The following PCK2 variants were observed in gnomAD, a reference collection of about 807,000 sequenced individuals.
PCK2 encodes the protein phosphoenolpyruvate carboxykinase [GTP], mitochondrial.
PCK2 carries 56 observed loss-of-function variants against 65.9 expected under a neutral mutation model. That is an observed-to-expected ratio of 0.85 (90% CI 0.69 to 1.06). PCK2 has a LOEUF of 1.06. Ranked by LOEUF, PCK2 falls within the 50% of genes least tolerant of loss-of-function variation. The probability of loss-of-function intolerance (pLI) is 0.00; values close to 1 mark genes in which losing one functional copy is unlikely to be tolerated. For synonymous variants in PCK2, 305 were observed against 319.6 expected, an observed-to-expected ratio of 0.95 and a Z score of 0.49; for missense variants, 843 against 863.1, an observed-to-expected ratio of 0.98 and a Z score of 0.29.
chr14:24,099,435 C>A, intron 5 of PCK2, 123 bp from the exon 6 acceptor site: 1 of 1,057,634 alleles, frequency 9.5e-7, no homozygotes, highest in Non-Finnish European at 1.4e-6. Flanking sequence ...GATGGCAGGG[C>A]AATCACTTAT....
chr14:24,097,969 T>A (rs2036967085), intron 2 of PCK2, among the ~76,000 whole-genome samples: 1 of 152,104 alleles, frequency 6.6e-6, no homozygotes, highest in African/African-American at 2.4e-5. Flanking sequence ...TTTTTTTTTT[T>A]TTCCTCACCA....
In PCK2 at chr14:24,103,731, G is replaced by A; in HGVS notation, c.1690G>A (p.Gly564Arg). 3.7e-6 allele frequency: 6 copies of A among 1,614,192 alleles called. No individual in the cohort carries two copies. The highest frequency in any genetic ancestry group is 5.1e-6 in the Non-Finnish European group (6 of 1,180,030). The change falls in exon 10 of 10, where the codon GGG (glycine) becomes AGG (arginine). Residue 564 changes from glycine to arginine, a missense_variant. Coordinates refer to ENST00000216780, the MANE Select transcript of PCK2 (RefSeq NM_004563.4). The part of the protein sequence containing the change: ...VLDWICRRLE[G>R]EDSARETPIG... ...AGACTGGATCTGCCGGCGGTTAGAG[G>A]GGGAGGACAGTGCCCGAGAGACACC...
intron 5 of PCK2, 144 bp downstream of exon 5, chr14:24,099,380 C>G (rs1035303204): frequency 1.6e-5 from 16 of 1,007,454 alleles, no homozygotes; most frequent in Middle Eastern, 2.5e-4. Flanking sequence ...GCTTTGGCCT[C>G]AGGCTGCTGA....
In PCK2 at chr14:24,099,546, C is replaced by A; in HGVS notation, c.853-12C>A. On this transcript the variant is annotated splice_polypyrimidine_tract_variant and intron_variant, in intron 5 of 9. Transcript: ENST00000216780. ...TGACCTCTTTCTTATTCCCTCTCTC[C>A]CCAATGCACAGATCCTGGGCATCAC... The A allele has an allele frequency of 6.4e-7, 1 of 1,566,984 alleles. No homozygotes were observed. The highest frequency in any genetic ancestry group is 8.6e-7 in the Non-Finnish European group (1 of 1,157,376).
chr14:24,102,785 C>G lies in PCK2; in HGVS notation c.1267C>G (p.Arg423Gly). 6 of 1,613,908 alleles carry G rather than the reference C, an allele frequency of 3.7e-6. No homozygotes were observed. Among genetic ancestry groups the G allele is most frequent in the Non-Finnish European group, 5.1e-6 (6 of 1,179,794 alleles). ...DKEPCAHPNS[R>G]FCAPARQCPI... The stretch of plus-strand genomic sequence containing the variant: ...GGAGCCCTGTGCACATCCCAACTCT[C>G]GATTTTGTGCCCCGGCTCGCCAGTG... Residue 423 changes from arginine (R) to glycine (G), a missense_variant, in exon 8 of 10, where the codon CGA (arginine) becomes GGA (glycine). Transcript: ENST00000216780.
chr14:24,095,462 C>T, intron 1 of PCK2: 2 of 339,664 alleles, frequency 5.9e-6, no homozygotes, highest in South Asian at 2.2e-5. Flanking sequence ...GCTTCTACCC[C>T]AGACAGACTC....
rs778296517 is a variant in PCK2, at chr14:24,103,594, T to C, written c.1553T>C (p.Met518Thr). ...FGHYLEHWLSMEGRKGAQLPR... is the reference protein window; with the variant it reads ...FGHYLEHWLSTEGRKGAQLPR... Reference sequence around the variant, plus strand: ...CACTACCTGGAACACTGGCTGAGCATGGAAGGGCGCAAGGGGGCCCAGCTG... The same window carrying C: ...CACTACCTGGAACACTGGCTGAGCACGGAAGGGCGCAAGGGGGCCCAGCTG... The change falls in exon 10 of 10, where the codon ATG becomes ACG. Residue 518 changes from methionine (M) to threonine (T), a missense_variant. Transcript: ENST00000216780. The C allele has an allele frequency of 6.4e-5, 103 of 1,609,364 alleles. No homozygotes were observed. Among genetic ancestry groups the C allele is most frequent in the Non-Finnish European group, 8.3e-5 (98 of 1,176,962 alleles).
At chr14:24,095,258 TG>T (rs764171541) in intron 1 of PCK2, 1 of 455,228 alleles carries the variant, frequency 2.2e-6, no homozygotes, top group South Asian at 1.5e-5. Flanking sequence ...CAAGAGGGTG[TG>T]GGGGCTTCAC....
At chr14:24,098,174 C>G in intron 2 of PCK2, 29 bp from the exon 3 acceptor site, 1 of 1,565,080 alleles carries the variant, frequency 6.4e-7, no homozygotes, top group South Asian at 1.2e-5. Context: ...TGCTGGCCAC[C>G]ATCTTCCTGA....
intron 8 of PCK2, 79 bp from the exon 9 acceptor site, chr14:24,103,080 AC>A: frequency 7.9e-7 from 1 of 1,258,576 alleles, no homozygotes; most frequent in Non-Finnish European, 1.2e-6. Context: ...GAGAGAGAGT[AC>A]CAGTCAAGCT....
chr14:24,100,376 C>G (rs2037114780), intron 7 of PCK2, 163 bp downstream of exon 7: 1 of 1,401,834 alleles, frequency 7.1e-7, no homozygotes, highest in African/African-American at 1.4e-5. Flanking sequence ...AGTTCATGTC[C>G]CAACTCCACC....
Position 24,094,381 on chromosome 14 carries a change from A to G in PCK2, c.-25A>G. 1 of 1,543,750 alleles carries G rather than the reference A, an allele frequency of 6.5e-7. No homozygotes were observed. Among genetic ancestry groups the G allele is most frequent in the South Asian group, 1.2e-5 (1 of 84,364 alleles). The stretch of plus-strand genomic sequence containing the variant: ...CCCCGGCTCCGCTCGGTTCCTGGCC[A>G]CCCCGCAGCCCCTGCCCAGGTGCCA... On this transcript the variant is annotated 5_prime_UTR_variant, in exon 1 of 10. Coordinates refer to ENST00000216780, the MANE Select transcript of PCK2 (RefSeq NM_004563.4). The surrounding 1 kb of genome is among the most constrained non-coding windows in gnomAD (Gnocchi z 4.1).
chr14:24,098,061 G>A (rs2036971873), intron 2 of PCK2, 142 bp from the exon 3 acceptor site: 1 of 689,594 alleles, frequency 1.5e-6, no homozygotes, highest in African/African-American at 1.8e-5. Flanking sequence ...ACAAAGCCTG[G>A]AGGAAGGGAC....
rs61752842 is a variant in PCK2 at position 24,096,930 on chromosome 14, C to T, written c.68C>T (p.Ser23Leu). Residue 23 changes from serine (S) to leucine (L), a missense_variant, in exon 2 of 10, where the codon TCA becomes TTA. Ser to Leu is a moderately radical substitution (Grantham distance 145). Transcript: ENST00000216780. ...WHGLSPLGWPSCRSIQTLRVL... is the reference protein window; with the variant it reads ...WHGLSPLGWPLCRSIQTLRVL... ...GGGCTGAGCCCCTTGGGCTGGCCAT[C>T]ATGCCGTAGCATCCAGACCCTGCGA... is the stretch of plus-strand genomic sequence containing the variant. The T allele has an allele frequency of 6.2e-7, 1 of 1,613,552 alleles. No individual in the cohort carries two copies. Among genetic ancestry groups the T allele is most frequent in the South Asian group, 1.1e-5 (1 of 91,064 alleles).
At chr14:24,103,342 A>G in intron 9 of PCK2, 87 bp downstream of exon 9, 2 of 1,220,918 alleles carry the variant, frequency 1.6e-6, no homozygotes, top group South Asian at 2.5e-5. Flanking sequence ...CCTTTTGTCC[A>G]CCCCTGGAGT....
At chr14:24,100,940 T>C (rs899876989) in intron 7 of PCK2, among the ~76,000 whole-genome samples, 5 of 152,168 alleles carry the variant, frequency 3.3e-5, no homozygotes, top group Admixed American at 3.3e-4. Context: ...CAGTATTCTT[T>C]CCATGGCCTT....
intron 7 of PCK2, 134 bp from the exon 8 acceptor site, chr14:24,102,619 T>G (rs2037205029): frequency 1.4e-6 from 1 of 725,462 alleles, no homozygotes; most frequent in East Asian, 2.5e-5. Flanking sequence ...TCTCTGCTCC[T>G]TATCACACAA....
intron 1 of PCK2, chr14:24,095,459 C>T: frequency 2.9e-6 from 1 of 340,264 alleles, no homozygotes; most frequent in Non-Finnish European, 5.9e-6. Context: ...CCAGCTTCTA[C>T]CCCAGACAGA....
At position 24,102,875 on chromosome 14, in the gene PCK2, G is replaced by C; in HGVS notation, c.1357G>C (p.Gly453Arg). The change falls in exon 8 of 10, where the codon GGC becomes CGC. Residue 453 changes from glycine to arginine, a missense_variant. Physicochemically the swap from Gly to Arg is moderately radical, Grantham distance 125. Transcript: ENST00000216780. ...CCCCATTGACGCCATCATCTTTGGT[G>C]GCCGCAGACCCAAAGGTAAACAACA... ...GVPIDAIIFGGRRPKGVPLVY... is the reference protein window; with the variant it reads ...GVPIDAIIFGRRRPKGVPLVY... The C allele has an allele frequency of 6.2e-7, 1 of 1,613,844 alleles. No homozygotes were observed. Among genetic ancestry groups the C allele is most frequent in the Admixed American group, 1.7e-5 (1 of 59,926 alleles).
Sources: gnomAD v4.1 joint callset for allele counts (sites outside exome capture counted in the v4.1 genomes callset) on GRCh38, gnomAD v4.1.1 for gene constraint, Gnocchi (gnomAD v3.1) non-coding constraint, MANE v1.5 for transcripts, NCBI Gene and HGNC (gene_info 2026-07-23, HGNC 2026-07-21) for gene names.